Variants in SARDH observed in about 807,000 individuals in gnomAD.
SARDH encodes sarcosine dehydrogenase, mitochondrial.
In SARDH, 95 loss-of-function variants were observed where a neutral mutation model predicts 109.1. The observed-to-expected ratio is 0.87, with a 90% CI of 0.74 to 1.03. SARDH has a LOEUF of 1.03. Ranked by LOEUF, SARDH falls within the 50% of genes least tolerant of loss-of-function variation. The pLI, the probability that SARDH is intolerant of heterozygous loss-of-function variation, is 0.00. For synonymous variants in SARDH, 572 were observed against 534.8 expected (o/e 1.07, Z -0.96); for missense variants, 1,267 against 1,287.8 (o/e 0.98, Z 0.25).
In SARDH at chr9:133,703,164, G is replaced by C. The variant is rs537700554; in HGVS notation, c.1555-135C>G. Reference sequence around the variant, plus strand: ...TCGGAGAGCCCTGCACTGAGTGCCCGTGTGTTGTGGACGCGGGCAGGGGGC... The same window carrying C: ...TCGGAGAGCCCTGCACTGAGTGCCCCTGTGTTGTGGACGCGGGCAGGGGGC... On this transcript the variant is annotated intron_variant, in intron 12 of 20. Coordinates refer to ENST00000439388, the MANE Select transcript of SARDH (RefSeq NM_001134707.2). The C allele has an allele frequency of 8.7e-4, 641 of 736,362 alleles. 4 individuals carry two copies. In the African/African-American group the frequency reaches 9.6e-3, roughly 11 times the overall value. The allele number at this position is 736,362 out of a possible 1,614,324, so 45.6% of individuals were successfully genotyped here. A position where few individuals can be genotyped will look rare whatever the true frequency, so the allele number is the denominator to read the frequency against.
intron 11 of SARDH, among the ~76,000 whole-genome samples, chr9:133,708,059 GC>G (rs1831762901): frequency 6.6e-6 from 1 of 152,138 alleles, no homozygotes; most frequent in South Asian, 2.1e-4. Context: ...TACAACAGAA[GC>G]CCCCGGGTGG....
In SARDH at chr9:133,666,336, G is replaced by C. The variant is rs181252739; in HGVS notation, c.2631+399C>G. ...TGGTGTGAGGAGCTGGAAGGTATCA[G>C]CCTGGCTGGCTGGCACCTCCTTCTA... On this transcript the variant is annotated intron_variant, in intron 20 of 20. Transcript: ENST00000439388. The surrounding 1 kb of genome is among the most constrained non-coding windows in gnomAD (Gnocchi z 5.2). Among the ~76,000 whole-genome samples, 1 of 152,266 alleles carries C rather than the reference G, an allele frequency of 6.6e-6. No homozygotes were observed. The highest frequency in any genetic ancestry group is 6.5e-5 in the Admixed American group (1 of 15,314).
intron 1 of SARDH, among the ~76,000 whole-genome samples, chr9:133,737,660 G>A (rs867636029): frequency 2.0e-5 from 3 of 152,208 alleles, no homozygotes; most frequent in Admixed American, 6.5e-5. Flanking sequence ...AGCTGCTGGC[G>A]CCGGAGGCTG....
chr9:133,698,403 A>G (rs747664365), intron 13 of SARDH, among the ~76,000 whole-genome samples: 85 of 152,216 alleles, frequency 5.6e-4, no homozygotes, highest in Non-Finnish European at 7.5e-4. Flanking sequence ...GTTTCTTTGC[A>G]GAAATTGACT....
intron 13 of SARDH, among the ~76,000 whole-genome samples, chr9:133,699,673 T>C (rs1831410809): frequency 6.6e-6 from 1 of 152,116 alleles, no homozygotes; most frequent in African/African-American, 2.4e-5. Flanking sequence ...CACACTGAAA[T>C]GCCATTTCAC....
rs780197729 is a variant in SARDH at position 133,694,218 on chromosome 9, G to C, written c.1921+40C>G. 13 of 1,430,614 alleles carry C rather than the reference G, an allele frequency of 9.1e-6. No homozygotes were observed. In the East Asian group the frequency reaches 3.0e-4, roughly 33 times the overall value. 88.6% of individuals were successfully genotyped at this position (1,430,614 alleles called of 1,614,324 possible). A position where few individuals can be genotyped will look rare whatever the true frequency, so the allele number is the denominator to read the frequency against. On this transcript the variant is annotated intron_variant, in intron 15 of 20. Transcript: ENST00000439388. Reference sequence around the variant, plus strand: ...CCACAACCACCAGTCCACAGAGCAGGCCGCAGTCACAGCGCCGTGTGCACA... The same window carrying C: ...CCACAACCACCAGTCCACAGAGCAGCCCGCAGTCACAGCGCCGTGTGCACA...
At position 133,734,412 on chromosome 9, in the gene SARDH, T is replaced by TTCACTCATTCAC. The variant is rs756689169; in HGVS notation, c.-30-210_-30-209insGTGAATGAGTGA. Among the ~76,000 whole-genome samples the TTCACTCATTCAC allele has an allele frequency of 1.3e-3, 166 of 127,312 alleles. 1 individual carries two copies. Among genetic ancestry groups the TTCACTCATTCAC allele is most frequent in the African/African-American group, 6.7e-3 (162 of 24,140 alleles). 83.5% of individuals were successfully genotyped at this position (127,312 alleles called of 152,430 possible). A position where few individuals can be genotyped will look rare whatever the true frequency, so the allele number is the denominator to read the frequency against. ...ATTCATTCACTCATTCATTCACTCA[T>TTCACTCATTCAC]TCATTCATTCATTCACTCATTCATT... On this transcript the variant is annotated intron_variant, in intron 1 of 20. Transcript: ENST00000439388.
intron 16 of SARDH, among the ~76,000 whole-genome samples, chr9:133,689,767 G>C (rs1193461636): frequency 1.3e-5 from 2 of 152,020 alleles, no homozygotes; most frequent in Non-Finnish European, 2.9e-5. Context: ...AGCCTCCGAA[G>C]CACAGTCAGA....
At chr9:133,677,389 G>A (rs1830553325) in intron 17 of SARDH, among the ~76,000 whole-genome samples, 1 of 152,154 alleles carries the variant, frequency 6.6e-6, no homozygotes, top group Non-Finnish European at 1.5e-5. Flanking sequence ...TTCAATCCTG[G>A]GCCCCTGACC....
chr9:133,712,232 C>T lies in SARDH; in HGVS notation c.1328+387G>A, dbSNP rs7048777. Among the ~76,000 whole-genome samples the T allele has an allele frequency of 0.047, 7,215 of 152,234 alleles. 229 individuals are homozygous for T. The highest frequency in any genetic ancestry group is 0.089 in the East Asian group (460 of 5,146). On this transcript the variant is annotated intron_variant, in intron 10 of 20. Coordinates refer to ENST00000439388, the MANE Select transcript of SARDH (RefSeq NM_001134707.2). The surrounding 1 kb of genome is among the most constrained non-coding windows in gnomAD (Gnocchi z 4.1). ...TCAGTGTACGATTGAACGGGACAGCCGGGGCTGCCTGGCTGCAAGCCGCGG... is the reference window on the plus strand; with the variant it reads ...TCAGTGTACGATTGAACGGGACAGCTGGGGCTGCCTGGCTGCAAGCCGCGG...
intron 13 of SARDH, 138 bp downstream of exon 13, chr9:133,702,778 G>T: frequency 1.4e-6 from 1 of 710,536 alleles, no homozygotes; most frequent in South Asian, 1.6e-5. Context: ...GGAGTCAGCC[G>T]AAAAAAGCGT....
chr9:133,726,589 C>T (rs1832500942), intron 6 of SARDH, among the ~76,000 whole-genome samples: 1 of 152,036 alleles, frequency 6.6e-6, no homozygotes, highest in South Asian at 2.1e-4. Context: ...CCTCTGAGCA[C>T]CCAGCGGAGT....
chr9:133,703,939 C>T (rs2427989), intron 12 of SARDH, among the ~76,000 whole-genome samples: 132,307 of 152,126 alleles, frequency 0.87, 58,143 homozygotes, highest in East Asian at 1. Context: ...GTGCAAAATC[C>T]GCCCATCTTG....
intron 20 of SARDH, among the ~76,000 whole-genome samples, chr9:133,665,634 C>A (rs765564153): frequency 6.6e-6 from 1 of 152,234 alleles, no homozygotes; most frequent in Non-Finnish European, 1.5e-5. Context: ...CCAGCTCCAC[C>A]GCCGGACTCA....
chr9:133,739,014 G>T (rs1407027704), upstream of SARDH, among the ~76,000 whole-genome samples: 1 of 152,250 alleles, frequency 6.6e-6, no homozygotes, highest in African/African-American at 2.4e-5. Context: ...AGTGCCCAGG[G>T]AGGGGGCCAC....
intron 2 of SARDH, among the ~76,000 whole-genome samples, chr9:133,733,528 G>A (rs113310429): frequency 0.011 from 1,688 of 152,268 alleles, 23 homozygotes; most frequent in African/African-American, 0.036. Flanking sequence ...AATGCCCTCA[G>A]TCCTGGTGGC....
chr9:133,675,299 C>T (rs576470741), intron 17 of SARDH, among the ~76,000 whole-genome samples: 34 of 151,630 alleles, frequency 2.2e-4, no homozygotes, highest in Non-Finnish European at 2.1e-4. Flanking sequence ...TGCAGTGAGC[C>T]GAGATTGTGC....
chr9:133,671,523 C>T lies in SARDH; in HGVS notation c.2326+12G>A. 2 of 1,601,022 alleles carry T rather than the reference C, an allele frequency of 1.2e-6. No individual in the cohort carries two copies. The highest frequency in any genetic ancestry group is 8.5e-7 in the Non-Finnish European group (1 of 1,174,192). ...CCGCCCCCGCCCCGTGCTGTCCAGA[C>T]CCTGCACTCACCTTTCTCAATGCTC... On this transcript the variant is annotated intron_variant, in intron 18 of 20. Transcript: ENST00000439388.
intron 1 of SARDH, among the ~76,000 whole-genome samples, chr9:133,736,104 G>A (rs1190347517): frequency 6.6e-6 from 1 of 150,822 alleles, no homozygotes; most frequent in Non-Finnish European, 1.5e-5. Flanking sequence ...TACAGCTACC[G>A]CATGTGCACC....
Sources: gnomAD v4.1 joint callset for allele counts (sites outside exome capture counted in the v4.1 genomes callset) on GRCh38, gnomAD v4.1.1 for gene constraint, Gnocchi (gnomAD v3.1) non-coding constraint, MANE v1.5 for transcripts, NCBI Gene and HGNC (gene_info 2026-07-23, HGNC 2026-07-21) for gene names.